Variants in ANO10 observed in about 807,000 individuals in gnomAD.
The protein encoded by ANO10 is anoctamin 10.
In ANO10, 77 loss-of-function variants were observed where a neutral mutation model predicts 74.7. That is an observed-to-expected ratio of 1.03 (90% CI 0.86 to 1.25). ANO10 has a LOEUF of 1.25. ANO10 is among the 50% of genes most tolerant of loss of function. ANO10 has a pLI of 0.00. For synonymous variants in ANO10, 279 were observed against 284.9 expected, an observed-to-expected ratio of 0.98 and a Z score of 0.21; for missense variants, 721 against 778.1, an observed-to-expected ratio of 0.93 and a Z score of 0.87.
intron 8 of ANO10, 120 bp downstream of exon 8, chr3:43,565,533 A>T: frequency 1.1e-6 from 1 of 892,600 alleles, no homozygotes; most frequent in Non-Finnish European, 1.7e-6. Flanking sequence ...TGGCTTAAAA[A>T]CATACAAAAT....
At chr3:43,548,760 A>G (rs2079313971) in intron 11 of ANO10, among the ~76,000 whole-genome samples, 2 of 152,208 alleles carry the variant, frequency 1.3e-5, no homozygotes, top group Non-Finnish European at 2.9e-5. Flanking sequence ...CTTGACAACT[A>G]TAATTACAAG....
At chr3:43,494,696 A>C (rs2076852679) in intron 11 of ANO10, among the ~76,000 whole-genome samples, 1 of 152,170 alleles carries the variant, frequency 6.6e-6, no homozygotes, top group Non-Finnish European at 1.5e-5. Context: ...AAATAAATGC[A>C]ATGAATTACC....
chr3:43,588,878 C>T (rs1014884265), intron 4 of ANO10, among the ~76,000 whole-genome samples: 3 of 152,004 alleles, frequency 2.0e-5, no homozygotes, highest in African/African-American at 2.4e-5. Context: ...AAAGAAAATA[C>T]GAAGAACAAA....
intron 4 of ANO10, among the ~76,000 whole-genome samples, chr3:43,593,865 CA>C (rs1261367025): frequency 7.2e-5 from 11 of 152,134 alleles, no homozygotes; most frequent in African/African-American, 2.7e-4. Context: ...TCAGGAGACC[CA>C]TCTCACATGC....
chr3:43,496,354 C>T (rs1446349324), intron 11 of ANO10, among the ~76,000 whole-genome samples: 1 of 152,204 alleles, frequency 6.6e-6, no homozygotes, highest in Admixed American at 6.5e-5. Context: ...CCATGACAAA[C>T]ATGGTACCCT....
At chr3:43,666,491 G>A (rs1318243844) in intron 1 of ANO10, among the ~76,000 whole-genome samples, 1 of 151,970 alleles carries the variant, frequency 6.6e-6, no homozygotes, top group Non-Finnish European at 1.5e-5. Context: ...AGTGATAATT[G>A]CTTTCTTGTC....
chr3:43,506,998 GAA>G (rs1233106931), intron 11 of ANO10, among the ~76,000 whole-genome samples: 4 of 152,170 alleles, frequency 2.6e-5, no homozygotes, highest in Non-Finnish European at 5.9e-5. Flanking sequence ...TCACTGCGAA[GAA>G]AAGTGTCTCG....
chr3:43,577,208 C>T lies in ANO10; in HGVS notation c.646G>A (p.Glu216Lys). 6.2e-7 allele frequency: 1 copy of T among 1,614,096 alleles called. No homozygotes were observed. The highest frequency in any genetic ancestry group is 8.5e-7 in the Non-Finnish European group (1 of 1,180,014). The change falls in exon 6 of 13, where the codon GAG becomes AAG. Residue 216 changes from glutamate to lysine, a missense_variant. By Grantham distance (56) the Glu-to-Lys change is moderately conservative (BLOSUM62 1). Transcript: ENST00000292246. ...GGGATTAATGCAAAAGTGAAATACT[C>T]CAAAAATCCAAAGTACAGAGCAATT... ...ETIALYFGFL[E>K]YFTFALIPMA...
At chr3:43,594,772 C>G (rs2081990335) in intron 4 of ANO10, among the ~76,000 whole-genome samples, 1 of 152,100 alleles carries the variant, frequency 6.6e-6, no homozygotes, top group South Asian at 2.1e-4. Flanking sequence ...CAGAGCAGAA[C>G]TGAAGGAGAT....
At chr3:43,656,484 C>T (rs978791426) in intron 1 of ANO10, among the ~76,000 whole-genome samples, 2 of 152,196 alleles carry the variant, frequency 1.3e-5, no homozygotes, top group Non-Finnish European at 2.9e-5. Flanking sequence ...GGGGGTGGTA[C>T]TCGTCGGGGA....
chr3:43,539,329 A>T (rs1291936576), intron 11 of ANO10, among the ~76,000 whole-genome samples: 1 of 152,194 alleles, frequency 6.6e-6, no homozygotes, highest in Non-Finnish European at 1.5e-5. Flanking sequence ...CTAAAGCAAC[A>T]CTTGCTTTCC....
chr3:43,671,354 C>T, intron 1 of ANO10, among the ~76,000 whole-genome samples: 1 of 152,072 alleles, frequency 6.6e-6, no homozygotes, highest in East Asian at 1.9e-4. Context: ...GATAAGCACA[C>T]CGACAAAAAT....
At position 43,589,186 on chromosome 3, in the gene ANO10, G is replaced by A. The variant is rs12487775; in HGVS notation, c.473-8714C>T. 4.9e-3 allele frequency among the ~76,000 whole-genome samples: 728 copies of A among 148,188 alleles called. 13 individuals are homozygous for A. The highest frequency in any genetic ancestry group is 0.039 in the East Asian group (198 of 5,134). On this transcript the variant is annotated intron_variant, in intron 4 of 12. Coordinates refer to ENST00000292246, the MANE Select transcript of ANO10 (RefSeq NM_018075.5). ...TAATATTAGGAATTCTATTAACATCGGTTGCCATATTTATAATGTCAGGGG... is the reference window on the plus strand; with the variant it reads ...TAATATTAGGAATTCTATTAACATCAGTTGCCATATTTATAATGTCAGGGG...
intron 12 of ANO10, 125 bp from the exon 13 acceptor site, chr3:43,367,099 T>G: frequency 2.4e-6 from 2 of 843,684 alleles, no homozygotes; most frequent in Non-Finnish European, 2.0e-6. Flanking sequence ...TGATGCTGCC[T>G]GCAGCTTCCT....
chr3:43,420,951 G>A lies in ANO10; in HGVS notation c.1914+11660C>T, dbSNP rs114227873. On this transcript the variant is annotated intron_variant, in intron 12 of 12. Transcript: ENST00000292246. Reference sequence around the variant, plus strand: ...AAAGAATTGGCCAGGGGCCAAGCACGGTGGCTCACACCTGTAATCCCAGCA... The same window carrying A: ...AAAGAATTGGCCAGGGGCCAAGCACAGTGGCTCACACCTGTAATCCCAGCA... Among the ~76,000 whole-genome samples, 1,422 of 152,332 alleles carry A rather than the reference G, an allele frequency of 9.3e-3. 30 individuals carry two copies. The highest frequency in any genetic ancestry group is 9.1e-3 in the Non-Finnish European group (622 of 68,030).
chr3:43,635,206 A>C (rs1278286006), intron 1 of ANO10, among the ~76,000 whole-genome samples: 3 of 152,228 alleles, frequency 2.0e-5, no homozygotes, highest in Non-Finnish European at 4.4e-5. Flanking sequence ...GCCCACATGT[A>C]ACAGCCTACA....
intron 11 of ANO10, among the ~76,000 whole-genome samples, chr3:43,513,436 A>G (rs1281025308): frequency 6.6e-6 from 1 of 152,254 alleles, no homozygotes; most frequent in Non-Finnish European, 1.5e-5. Context: ...TAAAACAACA[A>G]AACAAAAAGT....
At chr3:43,433,499 TG>T in intron 11 of ANO10, among the ~76,000 whole-genome samples, 1 of 152,194 alleles carries the variant, frequency 6.6e-6, no homozygotes, top group East Asian at 1.9e-4. Context: ...CCATAGCATT[TG>T]GTGCATTTTC....
At chr3:43,653,577 C>A (rs1559386199) in intron 1 of ANO10, among the ~76,000 whole-genome samples, 1 of 152,112 alleles carries the variant, frequency 6.6e-6, no homozygotes, top group Non-Finnish European at 1.5e-5. Context: ...TATATCCCAA[C>A]AAATAATATG....
Sources: allele counts gnomAD v4.1 joint callset (sites outside exome capture counted in the v4.1 genomes callset), GRCh38; gene constraint gnomAD v4.1.1; transcripts MANE v1.5; gene names NCBI Gene and HGNC (gene_info 2026-07-23, HGNC 2026-07-21).